Variants in EML5 observed in about 807,000 individuals in gnomAD.
EML5 encodes EMAP like 5, also known as echinoderm microtubule-associated protein-like 5.
Under a neutral mutation model 250.0 loss-of-function variants are expected in EML5, and 120 were observed. The observed-to-expected ratio is 0.48, with a 90% CI of 0.41 to 0.56. EML5 has a LOEUF of 0.56. Among genes scored for constraint, EML5 ranks in the 20% least tolerant of loss-of-function variants. EML5 has a pLI of 0.00. For synonymous variants in EML5, 771 were observed against 806.5 expected (o/e 0.96, Z 0.75); for missense variants, 2,006 against 2,437.6 (o/e 0.82, Z 3.73).
intron 32 of EML5, among the ~76,000 whole-genome samples, chr14:88,637,783 A>G (rs543660258): frequency 6.6e-6 from 1 of 152,304 alleles, no homozygotes; most frequent in African/African-American, 2.4e-5. Flanking sequence ...CCTTGTGCAC[A>G]GTGAAAATAA....
chr14:88,616,123 G>A lies in EML5; in HGVS notation c.5897+19C>T. The A allele has an allele frequency of 6.2e-7, 1 of 1,610,204 alleles. No individual in the cohort carries two copies. On this transcript the variant is annotated intron_variant, in intron 43 of 43. Transcript: ENST00000554922. ...CTAGTAACATAGTCTGCTCTTCATG[G>A]GCTGAGAAAGTTACTAACCTGCAGT...
chr14:88,693,876 T>C (rs1350628824), intron 17 of EML5, among the ~76,000 whole-genome samples: 2 of 147,182 alleles, frequency 1.4e-5, no homozygotes, highest in African/African-American at 5.0e-5. Context: ...GCTCAAGTGA[T>C]CCTTCCACCT....
intron 7 of EML5, among the ~76,000 whole-genome samples, chr14:88,735,005 G>A (rs937275583): frequency 1.3e-5 from 2 of 152,078 alleles, no homozygotes; most frequent in African/African-American, 4.8e-5. Flanking sequence ...ACAGAACACT[G>A]TGTGATAACA....
intron 8 of EML5, among the ~76,000 whole-genome samples, chr14:88,723,707 G>A (rs929124116): frequency 3.9e-5 from 6 of 152,108 alleles, no homozygotes; most frequent in East Asian, 3.8e-4. Flanking sequence ...GTTGTACGTC[G>A]TAAATATATA....
intron 8 of EML5, among the ~76,000 whole-genome samples, chr14:88,715,952 A>G (rs976501600): frequency 6.6e-6 from 1 of 152,190 alleles, no homozygotes; most frequent in African/African-American, 2.4e-5. Context: ...AGATATTAGT[A>G]ACAACCAAAA....
intron 21 of EML5, 35 bp from the exon 22 acceptor site, chr14:88,665,524 T>G (rs774063209): frequency 3.7e-6 from 6 of 1,612,200 alleles, no homozygotes; most frequent in Non-Finnish European, 5.1e-6. Flanking sequence ...CAATTTTCCC[T>G]TTTTTCTAAT....
chr14:88,616,552 C>G (rs892738620), intron 42 of EML5, 174 bp downstream of exon 42: 28 of 662,654 alleles, frequency 4.2e-5, no homozygotes, highest in Non-Finnish European at 6.0e-5. Flanking sequence ...TGGTATTACT[C>G]GAGGGAGAGG....
At chr14:88,652,432 C>A (rs2091673303) in intron 27 of EML5, among the ~76,000 whole-genome samples, 1 of 152,156 alleles carries the variant, frequency 6.6e-6, no homozygotes, top group South Asian at 2.1e-4. Context: ...TTAACTTCAT[C>A]CCTTTCCCCG....
chr14:88,716,971 A>C (rs2093505747), intron 8 of EML5, among the ~76,000 whole-genome samples: 2 of 152,218 alleles, frequency 1.3e-5, no homozygotes, highest in African/African-American at 4.8e-5. Flanking sequence ...ATATATGATC[A>C]CTATGGTTTC....
intron 28 of EML5, 126 bp from the exon 29 acceptor site, chr14:88,647,081 T>A (rs2091383037): frequency 1.2e-6 from 1 of 814,462 alleles, no homozygotes. Flanking sequence ...TTGCATAATA[T>A]TAAAGGCCTG....
intron 17 of EML5, among the ~76,000 whole-genome samples, chr14:88,693,060 T>C (rs1365116387): frequency 1.3e-5 from 2 of 152,176 alleles, no homozygotes; most frequent in African/African-American, 4.8e-5. Context: ...TAAAGTATCA[T>C]TTGTACTATA....
At chr14:88,646,532 A>G (rs2091355611) in intron 29 of EML5, among the ~76,000 whole-genome samples, 1 of 152,128 alleles carries the variant, frequency 6.6e-6, no homozygotes, top group Non-Finnish European at 1.5e-5. Flanking sequence ...ATATTATTCT[A>G]TGTTACTGTC....
At chr14:88,776,297 A>C (rs2094446453) in intron 1 of EML5, among the ~76,000 whole-genome samples, 1 of 152,216 alleles carries the variant, frequency 6.6e-6, no homozygotes, top group Admixed American at 6.5e-5. Context: ...CTGGAGGAAC[A>C]GAGAGATGTG....
intron 5 of EML5, 113 bp downstream of exon 5, chr14:88,740,273 AT>A: frequency 2.4e-6 from 2 of 824,952 alleles, no homozygotes; most frequent in Non-Finnish European, 3.5e-6. Context: ...TTAGAAAAGC[AT>A]TTTCAAGCAA....
chr14:88,727,738 T>C (rs1490655157), intron 7 of EML5, among the ~76,000 whole-genome samples: 1 of 152,180 alleles, frequency 6.6e-6, no homozygotes, highest in East Asian at 1.9e-4. Flanking sequence ...ATTGATTCTT[T>C]CACTTTTAGA....
chr14:88,703,343 G>T (rs1303891071), intron 13 of EML5, among the ~76,000 whole-genome samples: 2 of 152,128 alleles, frequency 1.3e-5, no homozygotes, highest in African/African-American at 4.8e-5. Flanking sequence ...GGCTGGGAGG[G>T]CAGAGGTGGG....
intron 2 of EML5, among the ~76,000 whole-genome samples, chr14:88,754,103 G>A (rs889253885): frequency 2.0e-5 from 3 of 152,108 alleles, no homozygotes; most frequent in African/African-American, 7.2e-5. Context: ...TCCAGCCTGG[G>A]CAGCAGAGCG....
In EML5 at chr14:88,736,003, C is replaced by CT. The variant is rs11321542; in HGVS notation, c.1049+360dup. Among the ~76,000 whole-genome samples the CT allele has an allele frequency of 1.0e-3, 128 of 122,128 alleles. 1 individual carries two copies. Among genetic ancestry groups the CT allele is most frequent in the East Asian group, 3.7e-3 (14 of 3,742 alleles). 80.1% of individuals were successfully genotyped at this position (122,128 alleles called of 152,430 possible). On this transcript the variant is annotated intron_variant, in intron 7 of 43. Coordinates refer to ENST00000554922, the MANE Select transcript of EML5 (RefSeq NM_183387.3). ...GTTTTAATCGGAGTATTTTTTCTTT[C>CT]TTTTTTTTTTTTTTTTGAGATGGAG...
At chr14:88,688,885 T>C (rs1252847421) in intron 17 of EML5, among the ~76,000 whole-genome samples, 1 of 152,234 alleles carries the variant, frequency 6.6e-6, no homozygotes, top group Non-Finnish European at 1.5e-5. Flanking sequence ...CGCTTTAGTA[T>C]TGTGAATGTG....
Sources: allele counts gnomAD v4.1 joint callset (sites outside exome capture counted in the v4.1 genomes callset), GRCh38; gene constraint gnomAD v4.1.1; transcripts MANE v1.5; gene names NCBI Gene and HGNC (gene_info 2026-07-23, HGNC 2026-07-21).